Variants in KSR1 observed in about 807,000 individuals in gnomAD.
KSR1 encodes kinase suppressor of ras 1, also known as kinase suppressor of ras.
Under a neutral mutation model 92.9 loss-of-function variants are expected in KSR1, and 35 were observed. The observed-to-expected ratio is 0.38, with a 90% CI of 0.29 to 0.50. The LOEUF (loss-of-function observed/expected upper bound fraction) is 0.50. Ranked by LOEUF, KSR1 falls within the 20% of genes least tolerant of loss-of-function variation. The pLI, the probability that KSR1 is intolerant of heterozygous loss-of-function variation, is 0.94. For synonymous variants in KSR1, 467 were observed against 472.6 expected, an observed-to-expected ratio of 0.99 and a Z score of 0.15; for missense variants, 972 against 1,158.5, an observed-to-expected ratio of 0.84 and a Z score of 2.34.
At chr17:27,592,135 A>G (rs2073186764) in intron 7 of KSR1, among the ~76,000 whole-genome samples, 1 of 152,180 alleles carries the variant, frequency 6.6e-6, no homozygotes, top group South Asian at 2.1e-4. Flanking sequence ...CTTTGCTGTG[A>G]GGATGGATAG....
At chr17:27,496,492 C>T (rs1196139568) in intron 1 of KSR1, among the ~76,000 whole-genome samples, 1 of 152,162 alleles carries the variant, frequency 6.6e-6, no homozygotes, top group African/African-American at 2.4e-5. Context: ...ATGTCTCAGC[C>T]AGATTTTCTG....
At chr17:27,605,865 C>T in intron 14 of KSR1, 52 bp downstream of exon 14, 2 of 1,599,222 alleles carry the variant, frequency 1.3e-6, no homozygotes, top group Non-Finnish European at 1.7e-6. Context: ...CCTCCCCCTT[C>T]CCAGGGAGCC....
At chr17:27,596,096 T>C (rs2073336689) in intron 9 of KSR1, among the ~76,000 whole-genome samples, 1 of 152,236 alleles carries the variant, frequency 6.6e-6, no homozygotes, top group Non-Finnish European at 1.5e-5. Context: ...CATTTTTATG[T>C]AATCATCACT....
At chr17:27,491,010 A>G (rs569139163) in intron 1 of KSR1, among the ~76,000 whole-genome samples, 3 of 152,338 alleles carry the variant, frequency 2.0e-5, no homozygotes, top group Non-Finnish European at 2.9e-5. Context: ...AACAATATAT[A>G]TAGTATGATC....
intron 1 of KSR1, among the ~76,000 whole-genome samples, chr17:27,458,153 T>G (rs1255039689): frequency 6.6e-6 from 1 of 152,204 alleles, no homozygotes; most frequent in African/African-American, 2.4e-5. Context: ...TGGCTAAAGC[T>G]GTACTGACCA....
At chr17:27,608,570 C>T (rs1335397659) in intron 15 of KSR1, among the ~76,000 whole-genome samples, 2 of 152,310 alleles carry the variant, frequency 1.3e-5, no homozygotes, top group East Asian at 3.9e-4. Context: ...GCCACCTCTT[C>T]GCTTGATAGG....
intron 1 of KSR1, among the ~76,000 whole-genome samples, chr17:27,542,948 C>G (rs1262340680): frequency 2.0e-5 from 3 of 152,192 alleles, no homozygotes; most frequent in Admixed American, 2.0e-4. Context: ...TCCTGGCTGC[C>G]AAACCCAAGC....
chr17:27,508,705 TTTTTTTTA>T (rs1319151748), intron 1 of KSR1, among the ~76,000 whole-genome samples: 236 of 130,570 alleles, frequency 1.8e-3, no homozygotes, highest in African/African-American at 6.0e-3. Flanking sequence ...TGGGCCTGAA[TTTTTTTTA>T]TTTATTTATT....
intron 9 of KSR1, among the ~76,000 whole-genome samples, chr17:27,594,889 C>T (rs755470054): frequency 8.5e-5 from 13 of 152,162 alleles, no homozygotes; most frequent in Non-Finnish European, 1.6e-4. Context: ...AACGCTATGA[C>T]CTGGCAGCTG....
At chr17:27,597,568 G>A (rs542426741) in intron 10 of KSR1, 132 bp downstream of exon 10, 36 of 966,264 alleles carry the variant, frequency 3.7e-5, no homozygotes, top group East Asian at 1.3e-4. Flanking sequence ...GTACTTGTCC[G>A]GCGCCCCAAG....
chr17:27,523,280 C>A (rs2070115998), intron 1 of KSR1, among the ~76,000 whole-genome samples: 1 of 151,856 alleles, frequency 6.6e-6, no homozygotes, highest in African/African-American at 2.4e-5. Context: ...TAGTACTTTT[C>A]ACCAGTTCCA....
At chr17:27,595,936 C>T (rs118060647) in intron 9 of KSR1, among the ~76,000 whole-genome samples, 8 of 152,186 alleles carry the variant, frequency 5.3e-5, no homozygotes, top group Non-Finnish European at 1.0e-4. Context: ...GGGCCCTTCT[C>T]CCCTGAGCTC....
Position 27,577,104 on chromosome 17 carries a change from A to G in KSR1, c.373-388A>G, listed in dbSNP as rs1160772982. On this transcript the variant is annotated intron_variant, in intron 2 of 20. Coordinates refer to ENST00000644974, the MANE Select transcript of KSR1 (RefSeq NM_001394583.1). The surrounding 1 kb of genome is among the most constrained non-coding windows in gnomAD (Gnocchi z 4.5). ...GCCAGTTTGATTTGAAATCTCTCTT[A>G]TCTGATTCAGATACAACAAAATTGT... 3.3e-5 allele frequency among the ~76,000 whole-genome samples: 5 copies of G among 150,162 alleles called. No individual in the cohort carries two copies. The South Asian group carries it at 1.0e-3, about 31-fold the overall frequency.
intron 1 of KSR1, among the ~76,000 whole-genome samples, chr17:27,517,134 T>A (rs1362067340): frequency 6.6e-6 from 1 of 152,220 alleles, no homozygotes; most frequent in Non-Finnish European, 1.5e-5. Flanking sequence ...TTTCTGATCC[T>A]GAAAAGATTA....
chr17:27,582,437 A>G (rs1396155854), intron 3 of KSR1, among the ~76,000 whole-genome samples: 1 of 152,132 alleles, frequency 6.6e-6, no homozygotes, highest in African/African-American at 2.4e-5. Flanking sequence ...CTGTGGTAGT[A>G]TCTGCGCCGA....
intron 2 of KSR1, among the ~76,000 whole-genome samples, chr17:27,555,748 A>G (rs4795730): frequency 0.1 from 15,825 of 152,278 alleles, 1,070 homozygotes; most frequent in Middle Eastern, 0.26. Context: ...AATCATTTCT[A>G]AGTTTACAGT....
At chr17:27,507,608 C>T (rs1597906150) in intron 1 of KSR1, among the ~76,000 whole-genome samples, 1 of 94,846 alleles carries the variant, frequency 1.1e-5, no homozygotes, top group Non-Finnish European at 1.9e-5. Context: ...CAGAATTTCA[C>T]TCCTGTTGCC....
At chr17:27,479,703 C>G (rs2068455895) in intron 1 of KSR1, among the ~76,000 whole-genome samples, 1 of 152,090 alleles carries the variant, frequency 6.6e-6, no homozygotes, top group Non-Finnish European at 1.5e-5. Flanking sequence ...TGGGTAGGTT[C>G]TGGTTGGAAG....
At chr17:27,537,629 G>A (rs1487093536) in intron 1 of KSR1, among the ~76,000 whole-genome samples, 3 of 152,156 alleles carry the variant, frequency 2.0e-5, no homozygotes, top group African/African-American at 7.2e-5. Flanking sequence ...GGCGGAGGTT[G>A]CAATGAGCCG....
Sources: gnomAD v4.1 joint callset for allele counts (sites outside exome capture counted in the v4.1 genomes callset) on GRCh38, gnomAD v4.1.1 for gene constraint, Gnocchi (gnomAD v3.1) non-coding constraint, MANE v1.5 for transcripts, NCBI Gene and HGNC (gene_info 2026-07-23, HGNC 2026-07-21) for gene names.